FARSA: variants seen among roughly 807,000 people sequenced by gnomAD.
FARSA encodes the protein phenylalanine--tRNA ligase alpha subunit.
FARSA carries 37 observed loss-of-function variants against 63.2 expected under a neutral mutation model. The observed-to-expected ratio is 0.59, with a 90% CI of 0.45 to 0.77. FARSA has a LOEUF of 0.77. FARSA is among the 30% of genes least tolerant of loss of function. The probability of loss-of-function intolerance (pLI) is 0.00; values close to 1 mark genes in which losing one functional copy is unlikely to be tolerated. For missense variants in FARSA, 618 were observed against 696.6 expected, an observed-to-expected ratio of 0.89 and a Z score of 1.27; for synonymous variants, 312 against 285.1, an observed-to-expected ratio of 1.09 and a Z score of -0.95.
chr19:12,932,193 T>C (rs753863792), intron 1 of FARSA, among the ~76,000 whole-genome samples: 69 of 152,036 alleles, frequency 4.5e-4, no homozygotes, highest in Non-Finnish European at 1.0e-4. Context: ...CACGCCTGGC[T>C]AATTTTTTTT....
intron 12 of FARSA, among the ~76,000 whole-genome samples, 191 bp downstream of exon 12, chr19:12,923,960 G>T (rs1427854755): frequency 6.6e-6 from 1 of 152,208 alleles, no homozygotes; most frequent in Admixed American, 6.5e-5. Flanking sequence ...GCTCCACTGG[G>T]ACCCCAGATT....
At chr19:12,927,062 T>C (rs1053755099) in intron 7 of FARSA, among the ~76,000 whole-genome samples, 6 of 152,222 alleles carry the variant, frequency 3.9e-5, no homozygotes, top group South Asian at 2.1e-4. Context: ...AGTCATTCCA[T>C]TTCAGACAGT....
rs768617085 is a variant in FARSA at position 12,924,750 on chromosome 19, G to A, written c.1084C>T (p.Leu362=). Residue 362 remains leucine (L), a synonymous_variant, in exon 10 of 13, where the codon CTG becomes TTG. Transcript: ENST00000314606. The surrounding 1 kb of genome is among the most constrained non-coding windows in gnomAD (Gnocchi z 6.4). The part of the protein sequence containing the change: ...SIDRVFRNET[L]DATHLAEFHQ... ...AACTCAGCCAGGTGCGTGGCGTCCA[G>A]GGTCTCATTCCGGAATACGCGGTCG... The A allele has an allele frequency of 5.6e-6, 9 of 1,602,196 alleles. No individual in the cohort carries two copies. The highest frequency in any genetic ancestry group is 6.0e-6 in the Non-Finnish European group (7 of 1,171,806).
intron 1 of FARSA, chr19:12,933,284 C>A (rs1402798619): frequency 7.1e-6 from 3 of 425,346 alleles, no homozygotes; most frequent in African/African-American, 3.2e-5. Context: ...TCGCAACCTG[C>A]GTGAGGGCAG....
chr19:12,928,991 CTCCTA>C, intron 4 of FARSA, 144 bp from the exon 5 acceptor site: 3 of 731,116 alleles, frequency 4.1e-6, no homozygotes, highest in Non-Finnish European at 7.2e-6. Flanking sequence ...ACCTGAAATC[CTCCTA>C]TGTGACCATG....
At chr19:12,929,053 G>C (rs2080302384) in intron 4 of FARSA, among the ~76,000 whole-genome samples, 2 of 152,254 alleles carry the variant, frequency 1.3e-5, no homozygotes, top group South Asian at 2.1e-4. Context: ...CACTTACTGA[G>C]AACCTAATGT....
chr19:12,925,893 G>A (rs1375298763), intron 7 of FARSA, among the ~76,000 whole-genome samples: 2 of 152,112 alleles, frequency 1.3e-5, no homozygotes, highest in African/African-American at 4.8e-5. Context: ...GGCTGGTCTC[G>A]AACTCCTGAC....
rs942544138 is a variant in FARSA at position 12,924,504 on chromosome 19, C to T, written c.1218G>A (p.Lys406=). ...TKLGITQLRF[K]PAYNPYTEPS... Reference sequence around the variant, plus strand: ...GCTCTGTGTATGGGTTGTAGGCTGGCTTGAAGCGGAGTTGCGTGATACCTG... The same window carrying T: ...GCTCTGTGTATGGGTTGTAGGCTGGTTTGAAGCGGAGTTGCGTGATACCTG... The change falls in exon 11 of 13, where the codon AAG becomes AAA. Residue 406 remains lysine, a synonymous_variant. Coordinates refer to ENST00000314606, the MANE Select transcript of FARSA (RefSeq NM_004461.3). The surrounding 1 kb of genome is among the most constrained non-coding windows in gnomAD (Gnocchi z 6.4). The T allele has an allele frequency of 6.2e-7, 1 of 1,613,440 alleles. No homozygotes were observed. The highest frequency in any genetic ancestry group is 8.5e-7 in the Non-Finnish European group (1 of 1,180,030).
intron 1 of FARSA, among the ~76,000 whole-genome samples, chr19:12,931,673 C>T (rs1363508005): frequency 1.3e-5 from 2 of 152,108 alleles, no homozygotes; most frequent in Non-Finnish European, 2.9e-5. Context: ...GCATAATGGG[C>T]ATGAGCCACC....
intron 1 of FARSA, among the ~76,000 whole-genome samples, chr19:12,931,676 G>A (rs796169406): frequency 2.6e-5 from 4 of 152,268 alleles, no homozygotes; most frequent in African/African-American, 9.6e-5. Context: ...TAATGGGCAT[G>A]AGCCACCATA....
At chr19:12,931,021 A>T (rs956066577) in intron 1 of FARSA, among the ~76,000 whole-genome samples, 1 of 152,240 alleles carries the variant, frequency 6.6e-6, no homozygotes, top group Non-Finnish European at 1.5e-5. Context: ...GCAGAAGACA[A>T]ATTCTGTCGG....
In FARSA at chr19:12,928,597, G is replaced by A. The variant is rs766817321; in HGVS notation, c.663C>T (p.Ser221=). ...CCTTGAGCAGCGGGTGAAGGTGGCCGCTGTCGGGGAGGACACCGTGGGCCA... is the reference window on the plus strand; with the variant it reads ...CCTTGAGCAGCGGGTGAAGGTGGCCACTGTCGGGGAGGACACCGTGGGCCA... ...NFLAHGVLPD[S]GHLHPLLKVR... The change falls in exon 6 of 13, where the codon AGC becomes AGT. Residue 221 remains serine, a synonymous_variant. Coordinates refer to ENST00000314606, the MANE Select transcript of FARSA (RefSeq NM_004461.3). The A allele has an allele frequency of 6.8e-6, 11 of 1,612,838 alleles. No homozygotes were observed. In the East Asian group the frequency reaches 8.9e-5, roughly 13 times the overall value.
chr19:12,924,189 C>T lies in FARSA; in HGVS notation c.1350G>A (p.Glu450=). The part of the protein sequence containing the change: ...PEMLLPMGLP[E]NVSVIAWGLS... The stretch of plus-strand genomic sequence containing the variant: ...GGCCCCAGGCAATGACCGACACGTT[C>T]TCGGGAAGCCCCATGGGCAGCAGCA... The change falls in exon 12 of 13, where the codon GAG becomes GAA. Residue 450 remains glutamate, a synonymous_variant. Transcript: ENST00000314606. The surrounding 1 kb of genome is among the most constrained non-coding windows in gnomAD (Gnocchi z 6.4). The T allele has an allele frequency of 1.2e-6, 2 of 1,614,158 alleles. No individual in the cohort carries two copies. Among genetic ancestry groups the T allele is most frequent in the Admixed American group, 3.3e-5 (2 of 60,024 alleles).
chr19:12,924,160 G>A lies in FARSA; in HGVS notation c.1379C>T (p.Ser460Phe), dbSNP rs1046408976. The stretch of plus-strand genomic sequence containing the variant: ...CCACTTGGGCACTTACCGCTCCAGG[G>A]AGAGGCCCCAGGCAATGACCGACAC... ...ENVSVIAWGL[S>F]LERPTMIKYG... The change falls in exon 12 of 13, where the codon TCC becomes TTC. Residue 460 changes from serine (S) to phenylalanine (F), a missense_variant. Transcript: ENST00000314606. The surrounding 1 kb of genome is among the most constrained non-coding windows in gnomAD (Gnocchi z 6.4). The A allele has an allele frequency of 1.2e-6, 2 of 1,613,820 alleles. No homozygotes were observed. Among genetic ancestry groups the A allele is most frequent in the African/African-American group, 2.7e-5 (2 of 74,894 alleles).
rs569752899 is a variant in FARSA, at chr19:12,926,295, G to A, written c.842-1121C>T. ...GACAAAATTTTTTTTTTTTTTAGAC[G>A]GAGTCTCGCTCAGTCACCCAGGCTG... On this transcript the variant is annotated intron_variant, in intron 7 of 12. Coordinates refer to ENST00000314606, the MANE Select transcript of FARSA (RefSeq NM_004461.3). 4.2e-4 allele frequency among the ~76,000 whole-genome samples: 60 copies of A among 144,438 alleles called. 1 individual carries two copies. Among genetic ancestry groups the A allele is most frequent in the South Asian group, 2.2e-4 (1 of 4,614 alleles). The allele number at this position is 144,438 out of a possible 152,430, so 94.8% of individuals were successfully genotyped here.
chr19:12,923,344 G>A (rs753636521), intron 12 of FARSA, among the ~76,000 whole-genome samples: 22 of 152,174 alleles, frequency 1.4e-4, no homozygotes, highest in Non-Finnish European at 2.6e-4. Flanking sequence ...AACCTAGGGT[G>A]GAGTGCAGTG....
Position 12,924,697 on chromosome 19 carries a change from A to G in FARSA, c.1137T>C (p.Asp379=), listed in dbSNP as rs1218586977. The change falls in exon 10 of 13, where the codon GAT becomes GAC. Residue 379 remains aspartate, a synonymous_variant. Transcript: ENST00000314606. This position sits in a 1 kb window ranked among gnomAD's most constrained non-coding sequence, Gnocchi z 6.4. ...TGAGGTGGCCCAAGGTGAGACCATGATCCGCCACCACGCCCTCGATCTGGT... is the reference window on the plus strand; with the variant it reads ...TGAGGTGGCCCAAGGTGAGACCATGGTCCGCCACCACGCCCTCGATCTGGT... ...EFHQIEGVVA[D]HGLTLGHLMG... 1.3e-6 allele frequency: 2 copies of G among 1,592,848 alleles called. No homozygotes were observed. The highest frequency in any genetic ancestry group is 8.6e-7 in the Non-Finnish European group (1 of 1,166,748).
rs1012332361 is a variant in FARSA at position 12,924,628 on chromosome 19, C to A, written c.1195+11G>T. 6.2e-7 allele frequency: 1 copy of A among 1,607,340 alleles called. No homozygotes were observed. The highest frequency in any genetic ancestry group is 8.5e-7 in the Non-Finnish European group (1 of 1,176,124). ...CTCACCACCATGGCCCACCCCTGCC[C>A]CCCTGCTCACCCAGCTTGGTGAAGA... On this transcript the variant is annotated intron_variant, in intron 10 of 12. Coordinates refer to ENST00000314606, the MANE Select transcript of FARSA (RefSeq NM_004461.3). This position sits in a 1 kb window ranked among gnomAD's most constrained non-coding sequence, Gnocchi z 6.4.
intron 7 of FARSA, among the ~76,000 whole-genome samples, chr19:12,927,243 T>G (rs1279023757): frequency 6.6e-6 from 1 of 152,188 alleles, no homozygotes; most frequent in Non-Finnish European, 1.5e-5. Context: ...AAAACAGCTC[T>G]TGGCTAAAGA....
Sources: allele counts gnomAD v4.1 joint callset (sites outside exome capture counted in the v4.1 genomes callset), GRCh38; gene constraint gnomAD v4.1.1; non-coding constraint Gnocchi (gnomAD v3.1); transcripts MANE v1.5; gene names NCBI Gene and HGNC (gene_info 2026-07-23, HGNC 2026-07-21).